STARD13: variants seen among roughly 807,000 people sequenced by gnomAD.
The protein encoded by STARD13 is stAR-related lipid transfer protein 13.
In STARD13, 62 loss-of-function variants were observed where a neutral mutation model predicts 106.4. That is an observed-to-expected ratio of 0.58 (90% CI 0.48 to 0.72). The LOEUF (loss-of-function observed/expected upper bound fraction) is 0.72, where lower values mean the gene tolerates loss of function less well. STARD13 is among the 30% of genes least tolerant of loss of function. The probability of loss-of-function intolerance (pLI) is 0.00; values close to 1 mark genes in which losing one functional copy is unlikely to be tolerated. For synonymous variants in STARD13, 565 were observed against 553.0 expected (o/e 1.02, Z -0.31); for missense variants, 1,387 against 1,424.0 (o/e 0.97, Z 0.42).
the STARD13 span, among the ~76,000 whole-genome samples, chr13:33,618,787 G>A: frequency 2.0e-5 from 3 of 151,946 alleles, no homozygotes; most frequent in African/African-American, 7.3e-5. Flanking sequence ...GCAGTGCAGG[G>A]AGATAGAGCC....
At chr13:33,274,276 G>A (rs757245645) in intron 1 of STARD13, among the ~76,000 whole-genome samples, 15 of 152,190 alleles carry the variant, frequency 9.9e-5, no homozygotes, top group Middle Eastern at 3.4e-3. Context: ...TCATATGGAT[G>A]GGCCCCAATC....
At chr13:33,146,779 CTATT>C (rs1249903509) in intron 3 of STARD13, among the ~76,000 whole-genome samples, 1 of 152,168 alleles carries the variant, frequency 6.6e-6, no homozygotes, top group African/African-American at 2.4e-5. Context: ...CACTAAGTGT[CTATT>C]TAAGAAAAAT....
rs779118474 is a variant in STARD13 at position 33,130,195 on chromosome 13, G to T, written c.482C>A (p.Thr161Lys). The change falls in exon 5 of 14, where the codon ACG becomes AAG. Residue 161 changes from threonine to lysine, a missense_variant. Thr to Lys is a moderately conservative substitution (Grantham distance 78). Transcript: ENST00000336934. This position sits in a 1 kb window ranked among gnomAD's most constrained non-coding sequence, Gnocchi z 4.1. The part of the protein sequence containing the change: ...RRWSRVDDLY[T>K]LLPRGDRNGS... ...ATTTCTGTCTCCTCGAGGGAGCAGC[G>T]TGTAGAGGTCGTCCACACGAGACCA... 3 of 1,613,338 alleles carry T rather than the reference G, an allele frequency of 1.9e-6. No homozygotes were observed. Among genetic ancestry groups the T allele is most frequent in the South Asian group, 1.1e-5 (1 of 91,074 alleles).
chr13:33,255,476 C>T (rs1275442640), intron 1 of STARD13, among the ~76,000 whole-genome samples: 2 of 151,988 alleles, frequency 1.3e-5, no homozygotes, highest in African/African-American at 4.8e-5. Flanking sequence ...ATCAACCATA[C>T]CCCTGTCCAC....
At chr13:33,410,516 A>G in the STARD13 span, among the ~76,000 whole-genome samples, 5 of 152,116 alleles carry the variant, frequency 3.3e-5, no homozygotes, top group Non-Finnish European at 5.9e-5. Flanking sequence ...TTGGGTAACA[A>G]AGAAGTACTT....
chr13:33,429,683 G>C, the STARD13 span, among the ~76,000 whole-genome samples: 1 of 152,154 alleles, frequency 6.6e-6, no homozygotes, highest in Admixed American at 6.5e-5. Context: ...AACGTTCCAT[G>C]TTCTCACTTA....
the STARD13 span, among the ~76,000 whole-genome samples, chr13:33,384,713 C>CTTT: frequency 3.3e-5 from 5 of 152,176 alleles, no homozygotes; most frequent in Non-Finnish European, 7.3e-5. Context: ...ATGTAGTCCT[C>CTTT]AAACTCTTTG....
chr13:33,161,966 G>GC (rs1294479720), intron 3 of STARD13, among the ~76,000 whole-genome samples: 3 of 152,202 alleles, frequency 2.0e-5, no homozygotes, highest in Non-Finnish European at 2.9e-5. Flanking sequence ...GGGGGAAACT[G>GC]CCCCCCATGA....
chr13:33,465,753 C>G, the STARD13 span, among the ~76,000 whole-genome samples: 1 of 152,090 alleles, frequency 6.6e-6, no homozygotes, highest in East Asian at 1.9e-4. Flanking sequence ...AAACATCTGC[C>G]AATTACACTA....
chr13:33,193,985 T>C (rs2138062015), intron 1 of STARD13, among the ~76,000 whole-genome samples: 1 of 149,590 alleles, frequency 6.7e-6, no homozygotes, highest in South Asian at 2.2e-4. Flanking sequence ...AAAAAGGCCC[T>C]TTAAGCTGAG....
chr13:33,106,587 A>G (rs1873737755), intron 13 of STARD13, among the ~76,000 whole-genome samples, 171 bp downstream of exon 13: 1 of 152,184 alleles, frequency 6.6e-6, no homozygotes, highest in South Asian at 2.1e-4. Flanking sequence ...AATTTCAGGA[A>G]AGGGGGAAAG....
At chr13:33,665,293 A>C in the STARD13 span, among the ~76,000 whole-genome samples, 1 of 152,208 alleles carries the variant, frequency 6.6e-6, no homozygotes, top group African/African-American at 2.4e-5. Flanking sequence ...CCTCTGTGGC[A>C]TTTTTCATAT....
chr13:33,676,716 G>A, the STARD13 span: 1 of 152,202 alleles, frequency 6.6e-6, no homozygotes, highest in Non-Finnish European at 1.5e-5. Flanking sequence ...TAAGTTTAAA[G>A]CAGTACATCA....
At chr13:33,620,978 A>G in the STARD13 span, among the ~76,000 whole-genome samples, 1 of 151,906 alleles carries the variant, frequency 6.6e-6, no homozygotes, top group African/African-American at 2.4e-5. Context: ...AATTTGTGAG[A>G]TGCAGCTAAA....
chr13:33,322,342 C>T (rs1397635790), intron 1 of STARD13, among the ~76,000 whole-genome samples: 2 of 152,208 alleles, frequency 1.3e-5, no homozygotes, highest in Non-Finnish European at 2.9e-5. Flanking sequence ...TAAATCTTGT[C>T]CTACAGGCTC....
At position 33,118,215 on chromosome 13, in the gene STARD13, G is replaced by A. The variant is rs755580938; in HGVS notation, c.2131C>T (p.Arg711Cys). 1.6e-5 allele frequency: 26 copies of A among 1,614,070 alleles called. No individual in the cohort carries two copies. Among genetic ancestry groups the A allele is most frequent in the South Asian group, 9.9e-5 (9 of 91,082 alleles). The change falls in exon 8 of 14, where the codon CGC (arginine) becomes TGC (cysteine). Residue 711 changes from arginine to cysteine, a missense_variant. By Grantham distance (180) the Arg-to-Cys change is radical. Transcript: ENST00000336934. ...TCAGGGAAGTTTTCATTCATTTGGC[G>A]AAGGGCATGGATTCGAGACTTCACT... ...SGVKSRIHAL[R>C]QMNENFPENV...
intron 3 of STARD13, among the ~76,000 whole-genome samples, chr13:33,152,233 A>T (rs1430792234): frequency 1.3e-5 from 2 of 152,198 alleles, no homozygotes; most frequent in Non-Finnish European, 2.9e-5. Context: ...GCAGTCAGAG[A>T]TGTAGGAGTC....
intron 1 of STARD13, among the ~76,000 whole-genome samples, chr13:33,325,197 G>A (rs932953388): frequency 6.6e-6 from 1 of 152,224 alleles, no homozygotes; most frequent in East Asian, 1.9e-4. Context: ...TGTTTTTAGT[G>A]TAGCCAACAC....
the STARD13 span, among the ~76,000 whole-genome samples, chr13:33,560,313 A>G: frequency 6.6e-6 from 1 of 151,640 alleles, no homozygotes; most frequent in Non-Finnish European, 1.5e-5. Flanking sequence ...ATAGGTTGTA[A>G]GTTTAAACTT....
Sources: allele counts gnomAD v4.1 joint callset (sites outside exome capture counted in the v4.1 genomes callset), GRCh38; gene constraint gnomAD v4.1.1; non-coding constraint Gnocchi (gnomAD v3.1); transcripts MANE v1.5; gene names NCBI Gene and HGNC (gene_info 2026-07-23, HGNC 2026-07-21).